Variants in DPAGT1 observed in about 807,000 individuals in gnomAD.
The protein encoded by DPAGT1 is dolichyl-phosphate N-acetylglucosaminephosphotransferase 1, also known as UDP-N-acetylglucosamine--dolichyl-phosphate N-acetylglucosaminephosphotransferase.
Under a neutral mutation model 39.3 loss-of-function variants are expected in DPAGT1, and 25 were observed. The observed-to-expected ratio is 0.64, with a 90% CI of 0.46 to 0.89. DPAGT1 has a LOEUF of 0.89. DPAGT1 is among the 40% of genes least tolerant of loss of function. DPAGT1 has a pLI of 0.00. For missense variants in DPAGT1, 381 were observed against 500.6 expected, an observed-to-expected ratio of 0.76 and a Z score of 2.28; for synonymous variants, 193 against 201.4, an observed-to-expected ratio of 0.96 and a Z score of 0.36.
At position 119,097,387 on chromosome 11, in the gene DPAGT1, C is replaced by T; in HGVS notation, c.1005+77G>A. 6.2e-7 allele frequency: 1 copy of T among 1,612,454 alleles called. No individual in the cohort carries two copies. The highest frequency in any genetic ancestry group is 8.5e-7 in the Non-Finnish European group (1 of 1,178,488). ...TAATGCTTTCAAGTTCCCCTTGGAT[C>T]TGATGTAGGACTAGGTTCCCCATTC... On this transcript the variant is annotated intron_variant, in intron 7 of 8. Transcript: ENST00000354202. The surrounding 1 kb of genome is among the most constrained non-coding windows in gnomAD (Gnocchi z 4.6).
At chr11:119,095,268 G>C (rs1306834186), downstream of DPAGT1, 1 of 1,613,164 alleles carries the variant, frequency 6.2e-7, no homozygotes, top group Non-Finnish European at 8.5e-7. Context: ...GCGCCAACGC[G>C]CTCGGCGTAG....
At position 119,100,144 on chromosome 11, in the gene DPAGT1, C is replaced by T. The variant is rs555565897; in HGVS notation, c.643+118G>A. On this transcript the variant is annotated intron_variant, in intron 4 of 8. Transcript: ENST00000354202. ...TGTTATTTGCAAAGTAAGTAGCTTC[C>T]CTTATCTTCTATAATTACTATGCAT... The T allele has an allele frequency of 9.6e-4, 1,438 of 1,493,024 alleles. 20 individuals are homozygous for T. The South Asian group carries it at 0.011, about 11-fold the overall frequency. The allele number at this position is 1,493,024 out of a possible 1,614,324, so 92.5% of individuals were successfully genotyped here.
chr11:119,095,458 T>TA (rs1365107874), downstream of DPAGT1: 2 of 1,452,286 alleles, frequency 1.4e-6, no homozygotes, highest in Non-Finnish European at 1.8e-6. Flanking sequence ...CGCCGCAGTG[T>TA]AACTGCTGTC....
At chr11:119,098,532 C>G in intron 4 of DPAGT1, 45 bp from the exon 5 acceptor site, 2 of 1,588,584 alleles carry the variant, frequency 1.3e-6, no homozygotes, top group Non-Finnish European at 1.7e-6. Flanking sequence ...TACCCACTTC[C>G]TCTGCAAACC....
downstream of DPAGT1, chr11:119,095,257 G>A (rs1411217953): frequency 6.2e-7 from 1 of 1,613,456 alleles, no homozygotes; most frequent in East Asian, 2.2e-5. Flanking sequence ...CTGGCGCGCC[G>A]GCGCCAACGC....
At chr11:119,100,139 G>T in intron 4 of DPAGT1, 123 bp downstream of exon 4, 1 of 1,459,014 alleles carries the variant, frequency 6.9e-7, no homozygotes. Context: ...AAAGTAAGTA[G>T]CTTCCCTTAT....
Position 119,097,682 on chromosome 11 carries a change from A to T in DPAGT1, c.918-131T>A. 7.1e-7 allele frequency: 1 copy of T among 1,416,382 alleles called. No homozygotes were observed. Among genetic ancestry groups the T allele is most frequent in the Non-Finnish European group, 9.9e-7 (1 of 1,005,070 alleles). 87.7% of individuals were successfully genotyped at this position (1,416,382 alleles called of 1,614,324 possible). On this transcript the variant is annotated intron_variant, in intron 6 of 8. Coordinates refer to ENST00000354202, the MANE Select transcript of DPAGT1 (RefSeq NM_001382.4). The surrounding 1 kb of genome is among the most constrained non-coding windows in gnomAD (Gnocchi z 4.6). ...TGGCTCTGCTGCTTACTGTTATCAG[A>T]ACCACTGTAGCAGATTATGCAAATA...
chr11:119,101,490 C>A lies in DPAGT1; in HGVS notation c.161+5G>T. The stretch of plus-strand genomic sequence containing the variant: ...CCCTGCCCGGACCCGTGTGCCGCTG[C>A]TCACATCTGCTGTCGGCTGGTTTTG... On this transcript the variant is annotated splice_donor_5th_base_variant and intron_variant, in intron 1 of 8. Coordinates refer to ENST00000354202, the MANE Select transcript of DPAGT1 (RefSeq NM_001382.4). 1 of 1,614,064 alleles carries A rather than the reference C, an allele frequency of 6.2e-7. No homozygotes were observed.
At chr11:119,100,967 G>A in intron 2 of DPAGT1, 51 bp downstream of exon 2, 2 of 1,614,138 alleles carry the variant, frequency 1.2e-6, no homozygotes, top group African/African-American at 1.3e-5. Flanking sequence ...AGTTCTCTCA[G>A]GTACCTCCCA....
chr11:119,100,229 G>T, intron 4 of DPAGT1, 33 bp downstream of exon 4: 1 of 1,613,814 alleles, frequency 6.2e-7, no homozygotes, highest in South Asian at 1.1e-5. Context: ...TTAACACTCA[G>T]ACTTCTCTCT....
chr11:119,094,036 G>A (rs1489752644), downstream of DPAGT1: 1 of 152,722 alleles, frequency 6.5e-6, no homozygotes, highest in Non-Finnish European at 1.5e-5. Context: ...CTAGGTGCTT[G>A]GATTGCCGAG....
intron 4 of DPAGT1, among the ~76,000 whole-genome samples, chr11:119,099,009 G>C (rs1946446560): frequency 6.6e-6 from 1 of 152,226 alleles, no homozygotes; most frequent in Non-Finnish European, 1.5e-5. Context: ...ACACCATTGG[G>C]AACCACGGAA....
chr11:119,100,098 T>C (rs80188413), intron 4 of DPAGT1, among the ~76,000 whole-genome samples, 164 bp downstream of exon 4: 424 of 152,380 alleles, frequency 2.8e-3, no homozygotes, highest in African/African-American at 9.9e-3. Flanking sequence ...TTTTTCTTTC[T>C]CACTTTTAAT....
At chr11:119,096,285 G>A (rs1423266597), downstream of DPAGT1, among the ~76,000 whole-genome samples, 1 of 152,186 alleles carries the variant, frequency 6.6e-6, no homozygotes, top group African/African-American at 2.4e-5. Flanking sequence ...TTGTTCCCAT[G>A]CCAGGAAACA....
rs768547116 is a variant in DPAGT1, at chr11:119,101,452, C to T, written c.161+43G>A. On this transcript the variant is annotated intron_variant, in intron 1 of 8. Transcript: ENST00000354202. ...CCGCCCCTGCCCTAGCCACTCCTTC[C>T]TTAGCCCTTGCCCCCTGCCCGGACC... 4 of 1,613,786 alleles carry T rather than the reference C, an allele frequency of 2.5e-6. No homozygotes were observed. In the Admixed American group the frequency reaches 6.7e-5, roughly 27 times the overall value.
Position 119,096,552 on chromosome 11 carries a change from G to A in DPAGT1, c.*446C>T. On this transcript the variant is annotated 3_prime_UTR_variant, in exon 9 of 9. Coordinates refer to ENST00000354202, the MANE Select transcript of DPAGT1 (RefSeq NM_001382.4). ...TTTATTGTCTCCATTGAGAGCATGT[G>A]GCCCCCTGCTTAGTTCTTACTAATC... is the stretch of plus-strand genomic sequence containing the variant. The A allele has an allele frequency of 4.1e-6, 1 of 242,222 alleles. No homozygotes were observed. The allele number at this position is 242,222 out of a possible 1,614,324, so 15.0% of individuals were successfully genotyped here. A position where few individuals can be genotyped will look rare whatever the true frequency, so the allele number is the denominator to read the frequency against.
intron 1 of DPAGT1, 79 bp from the exon 2 acceptor site, chr11:119,101,217 C>T (rs1415553491): frequency 2.9e-5 from 47 of 1,598,620 alleles, no homozygotes; most frequent in Non-Finnish European, 3.7e-5. Context: ...TTACAGTAAC[C>T]CAAAGTGGTC....
chr11:119,101,252 G>T, intron 1 of DPAGT1, 114 bp from the exon 2 acceptor site: 2 of 1,507,462 alleles, frequency 1.3e-6, no homozygotes, highest in Admixed American at 1.8e-5. Context: ...TTTTTATTCT[G>T]GTAAGTGGTG....
chr11:119,098,154 G>A (rs1413434288), intron 5 of DPAGT1, 111 bp from the exon 6 acceptor site: 1 of 1,446,598 alleles, frequency 6.9e-7, no homozygotes, highest in Non-Finnish European at 9.6e-7. Context: ...CTGACTCAGA[G>A]GAGACTCCAG....
Sources: allele counts gnomAD v4.1 joint callset (sites outside exome capture counted in the v4.1 genomes callset), GRCh38; gene constraint gnomAD v4.1.1; non-coding constraint Gnocchi (gnomAD v3.1); transcripts MANE v1.5; gene names NCBI Gene and HGNC (gene_info 2026-07-23, HGNC 2026-07-21).